The following CRISPLD2 variants were observed in gnomAD, a reference collection of about 807,000 sequenced individuals.
The protein encoded by CRISPLD2 is cysteine-rich secretory protein LCCL domain-containing 2.
In CRISPLD2, 47 loss-of-function variants were observed where a neutral mutation model predicts 71.1. The ratio of observed to expected loss-of-function variants is 0.66; its 90% CI spans 0.52 to 0.84. CRISPLD2 has a LOEUF of 0.84. CRISPLD2 is among the 40% of genes least tolerant of loss of function. The pLI is 0.00. For synonymous variants in CRISPLD2, 317 were observed against 250.1 expected (o/e 1.27, Z -2.52); for missense variants, 830 against 651.1 (o/e 1.27, Z -2.99).
chr16:84,877,657 C>G (rs2071531887), intron 12 of CRISPLD2, 147 bp downstream of exon 12: 2 of 561,600 alleles, frequency 3.6e-6, no homozygotes, highest in Admixed American at 2.9e-5. Context: ...CGTGACCAGC[C>G]TGGCCAACAT....
chr16:84,874,732 T>C (rs9932599), intron 11 of CRISPLD2, among the ~76,000 whole-genome samples: 8,134 of 152,296 alleles, frequency 0.053, 727 homozygotes, highest in African/African-American at 0.19. Flanking sequence ...AATGCCTGTT[T>C]ATTCCAGATA....
chr16:84,880,824 ACCT>A, intron 13 of CRISPLD2: 1 of 355,718 alleles, frequency 2.8e-6, no homozygotes, highest in Non-Finnish European at 5.2e-6. Flanking sequence ...TTGTACCTCA[ACCT>A]GCCAAGTAGC....
At chr16:84,832,088 G>A (rs563734966) in intron 1 of CRISPLD2, among the ~76,000 whole-genome samples, 43 of 152,354 alleles carry the variant, frequency 2.8e-4, no homozygotes, top group African/African-American at 7.9e-4. Context: ...GAAATAATAT[G>A]AAGAGAGAAT....
intron 1 of CRISPLD2, 124 bp downstream of exon 1, chr16:84,820,257 T>C (rs1388187128): frequency 2.6e-5 from 4 of 152,216 alleles, no homozygotes; most frequent in African/African-American, 4.8e-5. Context: ...AGTGCTCTGC[T>C]TGCATAGCGG....
intron 14 of CRISPLD2, among the ~76,000 whole-genome samples, chr16:84,892,853 G>T (rs916684945): frequency 6.6e-6 from 1 of 151,620 alleles, no homozygotes; most frequent in Non-Finnish European, 1.5e-5. Context: ...GTGCACGCCT[G>T]TAATGCCAGC....
Position 84,909,346 on chromosome 16 carries a change from C to A in CRISPLD2, c.*2704C>A, listed in dbSNP as rs1012311619. On this transcript the variant is annotated 3_prime_UTR_variant, in exon 15 of 15. Coordinates refer to ENST00000262424, the MANE Select transcript of CRISPLD2 (RefSeq NM_031476.4). ...GAAAAATGATGTATTTTGCTACTTC[C>A]TGTGTACAAAGTTTTATTGTAAATG... 27 of 152,602 alleles carry A rather than the reference C, an allele frequency of 1.8e-4. No homozygotes were observed. The highest frequency in any genetic ancestry group is 6.5e-4 in the African/African-American group (27 of 41,434). The allele number at this position is 152,602 out of a possible 1,614,324, so 9.5% of individuals were successfully genotyped here.
chr16:84,893,808 G>A (rs1205061600), intron 14 of CRISPLD2, among the ~76,000 whole-genome samples: 1 of 152,224 alleles, frequency 6.6e-6, no homozygotes, highest in East Asian at 1.9e-4. Context: ...CAAAGCAGAG[G>A]CTGGGAAATT....
rs1394030214 is a variant in CRISPLD2 at position 84,877,229 on chromosome 16, C to G, written c.1157-209C>G. The stretch of plus-strand genomic sequence containing the variant: ...ACTGGGGGTGACAACGCCCTCAACC[C>G]GCCAACACATGCAGGCCGTGGGTTT... On this transcript the variant is annotated intron_variant, in intron 11 of 14. Transcript: ENST00000262424. 3.3e-5 allele frequency among the ~76,000 whole-genome samples: 5 copies of G among 152,198 alleles called. No individual in the cohort carries two copies. The East Asian group carries it at 9.6e-4, about 29-fold the overall frequency.
At chr16:84,846,120 T>A (rs576353640) in intron 3 of CRISPLD2, 27 of 419,584 alleles carry the variant, frequency 6.4e-5, no homozygotes, top group African/African-American at 5.1e-4. Context: ...CAGACACTGA[T>A]GATTGATTAA....
In CRISPLD2 at chr16:84,872,386, G is replaced by A. The variant is rs2071478542; in HGVS notation, c.915-56G>A. On this transcript the variant is annotated intron_variant, in intron 8 of 14. Coordinates refer to ENST00000262424, the MANE Select transcript of CRISPLD2 (RefSeq NM_031476.4). Reference sequence around the variant, plus strand: ...CGATGAAAAAAATGATAAACTCATTGTGAGATGTAATCAACGTGCTTATCT... The same window carrying A: ...CGATGAAAAAAATGATAAACTCATTATGAGATGTAATCAACGTGCTTATCT... 11 of 1,372,858 alleles carry A rather than the reference G, an allele frequency of 8.0e-6. No individual in the cohort carries two copies. The South Asian group carries it at 1.3e-4, about 16-fold the overall frequency. The allele number at this position is 1,372,858 out of a possible 1,614,324, so 85.0% of individuals were successfully genotyped here.
chr16:84,900,040 C>A (rs536367007), intron 14 of CRISPLD2, among the ~76,000 whole-genome samples: 2 of 152,198 alleles, frequency 1.3e-5, no homozygotes, highest in South Asian at 4.1e-4. Context: ...TCTGAACTTT[C>A]CAGAAACCAG....
intron 4 of CRISPLD2, 62 bp downstream of exon 4, chr16:84,849,579 C>T (rs1917023582): frequency 2.7e-6 from 4 of 1,494,438 alleles, no homozygotes; most frequent in African/African-American, 1.5e-5. Context: ...TCACCCCCTG[C>T]CCCTGGGGGA....
chr16:84,852,157 C>T (rs1376523447), intron 5 of CRISPLD2, among the ~76,000 whole-genome samples: 1 of 152,236 alleles, frequency 6.6e-6, no homozygotes, highest in Non-Finnish European at 1.5e-5. Context: ...TGGGTCAGGA[C>T]TTCACCTGTT....
At chr16:84,900,859 A>G (rs1047019099) in intron 14 of CRISPLD2, among the ~76,000 whole-genome samples, 1 of 152,008 alleles carries the variant, frequency 6.6e-6, no homozygotes, top group Non-Finnish European at 1.5e-5. Context: ...CGAGACCAGC[A>G]TGGGCGGCAT....
At chr16:84,888,850 G>A (rs117707564) in intron 13 of CRISPLD2, among the ~76,000 whole-genome samples, 3,525 of 152,258 alleles carry the variant, frequency 0.023, 59 homozygotes, top group Middle Eastern at 0.086. Flanking sequence ...CCGCCACCCA[G>A]GCATTTAACC....
chr16:84,846,465 G>C (rs944965013), intron 3 of CRISPLD2, among the ~76,000 whole-genome samples: 27 of 152,012 alleles, frequency 1.8e-4, no homozygotes, highest in African/African-American at 6.5e-4. Context: ...TATTGGCCAG[G>C]GTGGTCTCGA....
chr16:84,887,465 A>G (rs985637031), intron 13 of CRISPLD2, among the ~76,000 whole-genome samples: 14 of 152,184 alleles, frequency 9.2e-5, no homozygotes, highest in African/African-American at 3.4e-4. Flanking sequence ...CCAGCTTTTC[A>G]TCTTTCCTTA....
chr16:84,892,276 C>T (rs568403177), intron 14 of CRISPLD2, among the ~76,000 whole-genome samples: 1 of 152,224 alleles, frequency 6.6e-6, no homozygotes, highest in Admixed American at 6.5e-5. Flanking sequence ...GCCCAGCAGC[C>T]TGCGTCTGAG....
At chr16:84,849,917 G>T (rs1321066842) in intron 4 of CRISPLD2, among the ~76,000 whole-genome samples, 2 of 149,672 alleles carry the variant, frequency 1.3e-5, no homozygotes, top group Non-Finnish European at 3.0e-5. Flanking sequence ...TTTAGAGATG[G>T]GTCTGGCTAT....
Sources: allele counts gnomAD v4.1 joint callset (sites outside exome capture counted in the v4.1 genomes callset), GRCh38; gene constraint gnomAD v4.1.1; transcripts MANE v1.5; gene names NCBI Gene and HGNC (gene_info 2026-07-23, HGNC 2026-07-21).